TJP1: variants seen among roughly 807,000 people sequenced by gnomAD.
The protein encoded by TJP1 is tight junction protein ZO-1.
TJP1 carries 43 observed loss-of-function variants against 194.2 expected under a neutral mutation model. The observed-to-expected ratio is 0.22, with a 90% CI of 0.17 to 0.29. TJP1 has a LOEUF of 0.29. Among genes scored for constraint, TJP1 ranks in the 10% least tolerant of loss-of-function variants. The pLI is 1.00. For missense variants in TJP1, 1,971 were observed against 2,185.7 expected (o/e 0.90, Z 1.96); for synonymous variants, 801 against 779.0 (o/e 1.03, Z -0.47).
At chr15:29,765,181 A>G (rs983759419) in intron 5 of TJP1, among the ~76,000 whole-genome samples, 1 of 152,168 alleles carries the variant, frequency 6.6e-6, no homozygotes. Flanking sequence ...AACTTCCACT[A>G]GATTTAGTGT....
intron 2 of TJP1, among the ~76,000 whole-genome samples, chr15:29,849,916 A>G (rs181053230): frequency 1.3e-5 from 2 of 152,186 alleles, no homozygotes; most frequent in Admixed American, 1.3e-4. Flanking sequence ...GGCAGAAGTG[A>G]TGGCGTGTCC....
At chr15:29,949,614 C>CCTT (rs2055529474) in intron 2 of TJP1, among the ~76,000 whole-genome samples, 3 of 117,000 alleles carry the variant, frequency 2.6e-5, no homozygotes, top group South Asian at 3.0e-4. Flanking sequence ...TCCACCTTCA[C>CCTT]CACCACCACC....
At chr15:29,714,665 C>T (rs768547356) in intron 23 of TJP1, among the ~76,000 whole-genome samples, 2 of 149,700 alleles carry the variant, frequency 1.3e-5, no homozygotes, top group African/African-American at 4.9e-5. Flanking sequence ...CTCAGTCTCC[C>T]GAGTAGCTGG....
chr15:29,805,407 A>G (rs1460193113), intron 1 of TJP1, among the ~76,000 whole-genome samples: 1 of 152,216 alleles, frequency 6.6e-6, no homozygotes, highest in Non-Finnish European at 1.5e-5. Context: ...CTGGGAGAAG[A>G]ACAAATCCAA....
At chr15:29,867,677 G>T (rs1428882187) in intron 2 of TJP1, among the ~76,000 whole-genome samples, 1 of 152,130 alleles carries the variant, frequency 6.6e-6, no homozygotes, top group African/African-American at 2.4e-5. Context: ...GGAGGCTTTG[G>T]GAGGACATGG....
chr15:29,702,402 T>C (rs1307665203), intron 27 of TJP1, among the ~76,000 whole-genome samples: 1 of 152,168 alleles, frequency 6.6e-6, no homozygotes, highest in Non-Finnish European at 1.5e-5. Context: ...GTGATTTCTA[T>C]TAGATGTGAA....
chr15:29,902,311 C>T (rs570822008), intron 2 of TJP1, among the ~76,000 whole-genome samples: 7 of 151,932 alleles, frequency 4.6e-5, no homozygotes, highest in South Asian at 4.2e-4. Flanking sequence ...ATATAGACTA[C>T]GCGCCCAGTA....
At chr15:29,849,252 T>A (rs1373350219) in intron 2 of TJP1, among the ~76,000 whole-genome samples, 3 of 152,126 alleles carry the variant, frequency 2.0e-5, no homozygotes, top group Admixed American at 1.3e-4. Flanking sequence ...TATAGTTACA[T>A]GTATGTTTGT....
intron 2 of TJP1, among the ~76,000 whole-genome samples, chr15:29,871,064 T>TGG (rs1347880819): frequency 6.6e-6 from 1 of 152,128 alleles, no homozygotes; most frequent in Non-Finnish European, 1.5e-5. Flanking sequence ...AGGCAAGCTC[T>TGG]GAATACTCCG....
intron 2 of TJP1, among the ~76,000 whole-genome samples, chr15:29,791,410 A>G (rs1595904923): frequency 1.8e-5 from 2 of 111,066 alleles, no homozygotes; most frequent in South Asian, 5.5e-4. Flanking sequence ...CCTCCATAAT[A>G]TTCTTTTTTT....
rs956996158 is a variant in TJP1 at position 29,951,176 on chromosome 15, C to CT, written c.306+5055dup. Among the ~76,000 whole-genome samples, 322 of 150,644 alleles carry CT rather than the reference C, an allele frequency of 2.1e-3. 1 individual carries two copies. The highest frequency in any genetic ancestry group is 3.1e-3 in the Non-Finnish European group (210 of 67,522). On this transcript the variant is annotated intron_variant, in intron 2 of 28. Transcript: ENST00000356107. ...GCATGGATACTCTTTTTTTCTTTTCCTTTTTTTTTGAGATGGAGTCTTGCT... is the reference window on the plus strand; with the variant it reads ...GCATGGATACTCTTTTTTTCTTTTCCTTTTTTTTTTGAGATGGAGTCTTGCT...
intron 2 of TJP1, among the ~76,000 whole-genome samples, chr15:29,921,833 CTTTT>C (rs1005807387): frequency 6.8e-6 from 1 of 147,294 alleles, no homozygotes; most frequent in African/African-American, 2.5e-5. Context: ...CATTTTTTTT[CTTTT>C]TCTTTCTTTC....
chr15:29,822,432 C>A lies in TJP1; in HGVS notation c.-404G>T. The A allele has an allele frequency of 3.0e-6, 3 of 989,068 alleles. No individual in the cohort carries two copies. The highest frequency in any genetic ancestry group is 1.7e-5 in the African/African-American group (1 of 57,498). 61.3% of individuals were successfully genotyped at this position (989,068 alleles called of 1,614,324 possible). ...CGGCGGCCGCCAAGGAACGCGGCGTCCGCTGGCTCAGCCGGCGCCGGCAAC... is the reference window on the plus strand; with the variant it reads ...CGGCGGCCGCCAAGGAACGCGGCGTACGCTGGCTCAGCCGGCGCCGGCAAC... On this transcript the variant is annotated 5_prime_UTR_variant, in exon 1 of 28. Transcript: ENST00000614355.
At chr15:29,758,851 C>CT (rs1440316243) in intron 8 of TJP1, 8 of 152,110 alleles carry the variant, frequency 5.3e-5, no homozygotes, top group South Asian at 2.1e-4. Context: ...CATAATATTC[C>CT]TTTAAAAAAT....
At chr15:29,951,690 T>A (rs1442225937) in intron 2 of TJP1, among the ~76,000 whole-genome samples, 1 of 152,226 alleles carries the variant, frequency 6.6e-6, no homozygotes, top group Non-Finnish European at 1.5e-5. Context: ...TTTTGCCTAA[T>A]GATTATCAGT....
At chr15:29,955,028 C>T (rs1485751664) in intron 2 of TJP1, among the ~76,000 whole-genome samples, 1 of 151,552 alleles carries the variant, frequency 6.6e-6, no homozygotes, top group Non-Finnish European at 1.5e-5. Flanking sequence ...TGCAGTGAGC[C>T]GAGATCGTGC....
At chr15:29,921,937 T>C (rs527625886) in intron 2 of TJP1, among the ~76,000 whole-genome samples, 2 of 151,932 alleles carry the variant, frequency 1.3e-5, no homozygotes, top group African/African-American at 4.8e-5. Flanking sequence ...CTCCGCCTCC[T>C]GGGTTCAGGT....
At chr15:29,863,350 A>G (rs2052169781) in intron 2 of TJP1, among the ~76,000 whole-genome samples, 2 of 152,112 alleles carry the variant, frequency 1.3e-5, no homozygotes, top group African/African-American at 4.8e-5. Context: ...GATGGTTTGC[A>G]GGAGGTAGAG....
intron 2 of TJP1, among the ~76,000 whole-genome samples, chr15:29,922,904 T>A (rs2054410755): frequency 6.6e-6 from 1 of 152,190 alleles, no homozygotes; most frequent in African/African-American, 2.4e-5. Context: ...CACTTCTACT[T>A]ACTTCTAACC....
Sources: gnomAD v4.1 joint callset for allele counts (sites outside exome capture counted in the v4.1 genomes callset) on GRCh38, gnomAD v4.1.1 for gene constraint, MANE v1.5 for transcripts, NCBI Gene and HGNC (gene_info 2026-07-23, HGNC 2026-07-21) for gene names.